MAPK6: variants seen among roughly 807,000 people sequenced by gnomAD.
MAPK6 encodes mitogen-activated protein kinase 6.
Under a neutral mutation model 59.3 loss-of-function variants are expected in MAPK6, and 19 were observed. The observed-to-expected ratio is 0.32, with a 90% confidence interval of 0.22 to 0.47. The LOEUF (loss-of-function observed/expected upper bound fraction) is 0.47, where lower values mean the gene tolerates loss of function less well. MAPK6 is among the 20% of genes least tolerant of loss of function. The pLI, the probability that MAPK6 is intolerant of heterozygous loss-of-function variation, is 1.00. For missense variants in MAPK6, 724 were observed against 847.9 expected (o/e 0.85, Z 1.81); for synonymous variants, 316 against 290.3 (o/e 1.09, Z -0.90).
At chr15:51,982,282 G>A (rs964240677) in intron 1 of MAPK6, among the ~76,000 whole-genome samples, 4 of 152,198 alleles carry the variant, frequency 2.6e-5, no homozygotes, top group African/African-American at 9.7e-5. Context: ...TCGTCGGCGG[G>A]TGGGGACTGC....
chr15:52,016,852 T>C (rs1355690976), upstream of MAPK6, among the ~76,000 whole-genome samples: 1 of 152,136 alleles, frequency 6.6e-6, no homozygotes, highest in Non-Finnish European at 1.5e-5. Context: ...GAGACCATCC[T>C]GGTCAACATG....
intron 4 of MAPK6, 77 bp downstream of exon 4, chr15:52,058,874 T>C: frequency 7.8e-7 from 1 of 1,281,862 alleles, no homozygotes. Flanking sequence ...CTGGAGCTTT[T>C]TATCCTTAGA....
At chr15:51,992,815 C>T (rs370421939) in intron 2 of MAPK6, among the ~76,000 whole-genome samples, 2 of 152,116 alleles carry the variant, frequency 1.3e-5, no homozygotes, top group Admixed American at 6.6e-5. Context: ...GATGAACAGT[C>T]GGATGGAGGA....
chr15:52,054,749 C>CATATACACATACAT (rs1555399923), intron 3 of MAPK6, among the ~76,000 whole-genome samples: 3,411 of 149,988 alleles, frequency 0.023, 86 homozygotes, highest in East Asian at 0.074. Context: ...CACACACACA[C>CATATACACATACAT]ATATACACAT....
rs2032376481 is a variant in MAPK6 at position 52,065,376 on chromosome 15, CATTTTTCATTCATGAATATTTTCAA to C, written c.*377_*401del. On this transcript the variant is annotated 3_prime_UTR_variant, in exon 6 of 6. Transcript: ENST00000261845. ...GAAAATAGCTATTTTTTTCCTAAGA[CATTTTTCATTCATGAATATTTTCAA>C]GTTTTTCATACTGTACACATTTCTT... is the stretch of plus-strand genomic sequence containing the variant. The C allele has an allele frequency of 6.3e-6, 1 of 159,124 alleles. No homozygotes were observed. Among genetic ancestry groups the C allele is most frequent in the Non-Finnish European group, 1.4e-5 (1 of 72,694 alleles). The allele number at this position is 159,124 out of a possible 1,614,324, so 9.9% of individuals were successfully genotyped here. A position where few individuals can be genotyped will look rare whatever the true frequency, so the allele number is the denominator to read the frequency against.
intron 3 of MAPK6, 97 bp downstream of exon 3, chr15:52,050,234 A>G (rs2031732847): frequency 9.3e-7 from 1 of 1,070,552 alleles, no homozygotes; most frequent in Admixed American, 2.8e-5. Flanking sequence ...ATAATTTGTT[A>G]TGATCTGTAA....
In MAPK6 at chr15:52,062,640, T is replaced by C. The variant is rs940545643; in HGVS notation, c.1067+1140T>C. ...ATAAGCCAGGCTTGATGGCGGGCTC[T>C]TGTAGTCCCAGCTACTCAGGAGGCT... is the stretch of plus-strand genomic sequence containing the variant. On this transcript the variant is annotated intron_variant, in intron 5 of 5. Transcript: ENST00000261845. 6.6e-5 allele frequency among the ~76,000 whole-genome samples: 10 copies of C among 152,126 alleles called. No homozygotes were observed. In the East Asian group the frequency reaches 7.8e-4, roughly 12 times the overall value.
At chr15:52,055,010 C>T (rs905124943) in intron 3 of MAPK6, among the ~76,000 whole-genome samples, 2 of 152,216 alleles carry the variant, frequency 1.3e-5, no homozygotes. Flanking sequence ...AAATTCCTGA[C>T]CTCAGGTGAT....
At chr15:52,028,152 C>T (rs1250719347) in intron 1 of MAPK6, among the ~76,000 whole-genome samples, 6 of 151,876 alleles carry the variant, frequency 4.0e-5, no homozygotes, top group Non-Finnish European at 7.4e-5. Context: ...CAGGGTTTCA[C>T]CGTGTTAGCC....
At chr15:52,009,317 G>A (rs2029989793) in intron 3 of MAPK6, among the ~76,000 whole-genome samples, 1 of 152,206 alleles carries the variant, frequency 6.6e-6, no homozygotes, top group Admixed American at 6.5e-5. Flanking sequence ...AGAAGGCTTT[G>A]TGGTCTCAAG....
At position 52,064,818 on chromosome 15, in the gene MAPK6, C is replaced by G. The variant is rs1178534312; in HGVS notation, c.1984C>G (p.Leu662Val). The change falls in exon 6 of 6, where the codon CTG becomes GTG. Residue 662 changes from leucine to valine, a missense_variant. Physicochemically the swap from Leu to Val is conservative, Grantham distance 32. Transcript: ENST00000261845. ...LGERGHEEGF[L>V]NNSGEFLFNK... ...GGAGAGAGGACATGAGGAAGGATTT[C>G]TGAACAACAGTGGGGAGTTCCTCTT... 16 of 1,611,826 alleles carry G rather than the reference C, an allele frequency of 9.9e-6. No homozygotes were observed. The African/African-American group carries it at 1.1e-4, about 11-fold the overall frequency.
chr15:52,030,610 G>GTTT (rs2030989602), intron 1 of MAPK6, among the ~76,000 whole-genome samples: 1 of 111,618 alleles, frequency 9.0e-6, no homozygotes, highest in African/African-American at 3.8e-5. Flanking sequence ...GCAGAAGAAG[G>GTTT]CTTTTTTTTT....
intron 1 of MAPK6, among the ~76,000 whole-genome samples, chr15:51,974,909 G>T (rs530766560): frequency 6.6e-6 from 1 of 151,000 alleles, no homozygotes; most frequent in East Asian, 2.0e-4. Flanking sequence ...GTAAAGACAG[G>T]GTTTCACCAT....
At chr15:52,049,703 C>T (rs1314841957) in intron 2 of MAPK6, among the ~76,000 whole-genome samples, 6 of 151,686 alleles carry the variant, frequency 4.0e-5, no homozygotes, top group African/African-American at 1.5e-4. Context: ...CAACCTCTAC[C>T]TCCCGGGTTC....
rs554609196 is a variant in MAPK6 at position 51,974,725 on chromosome 15, T to TC, written c.-880+2827dup. ...TCCTAGGAATGGAGAATTTCTTTTT[T>TC]CCCCCCCCGCAAGACAGAGTCTTGC... On this transcript the variant is annotated intron_variant, in intron 1 of 7. Coordinates refer to the MAPK6 transcript ENST00000691380. Among the ~76,000 whole-genome samples, 1,332 of 144,062 alleles carry TC rather than the reference T, an allele frequency of 9.2e-3. 23 individuals carry two copies. The highest frequency in any genetic ancestry group is 0.026 in the African/African-American group (1,013 of 39,060). 94.5% of individuals were successfully genotyped at this position (144,062 alleles called of 152,430 possible). A position where few individuals can be genotyped will look rare whatever the true frequency, so the allele number is the denominator to read the frequency against.
Position 52,066,163 on chromosome 15 carries a change from T to G in MAPK6, c.*1163T>G, listed in dbSNP as rs2032416841. The G allele has an allele frequency of 6.6e-6, 1 of 152,588 alleles. No homozygotes were observed. Among genetic ancestry groups the G allele is most frequent in the Non-Finnish European group, 1.5e-5 (1 of 68,032 alleles). The allele number at this position is 152,588 out of a possible 1,614,324, so 9.5% of individuals were successfully genotyped here. On this transcript the variant is annotated 3_prime_UTR_variant, in exon 6 of 6. Coordinates refer to ENST00000261845, the MANE Select transcript of MAPK6 (RefSeq NM_002748.4). The stretch of plus-strand genomic sequence containing the variant: ...AAACGTAGCATGTGGCATCGCAGTC[T>G]CTTAGAATTTGTTTCATCTATTTTA...
At chr15:52,016,064 GCGCGCGCACACA>G (rs1193404236), upstream of MAPK6, among the ~76,000 whole-genome samples, 2 of 54,954 alleles carry the variant, frequency 3.6e-5, no homozygotes, top group African/African-American at 1.3e-4. Context: ...GCGCGCGCGC[GCGCGCGCACACA>G]CACACACACA....
intron 3 of MAPK6, among the ~76,000 whole-genome samples, chr15:52,012,390 G>A (rs966643929): frequency 3.3e-5 from 5 of 152,300 alleles, no homozygotes; most frequent in East Asian, 1.9e-4. Context: ...CCCCTGGGAC[G>A]TGGACACTGT....
intron 1 of MAPK6, among the ~76,000 whole-genome samples, chr15:52,029,329 TA>T (rs2030937369): frequency 1.3e-5 from 2 of 152,202 alleles, no homozygotes; most frequent in Admixed American, 1.3e-4. Context: ...TTTTAATTAT[TA>T]AACAGGCTTC....
Sources: allele counts gnomAD v4.1 joint callset (sites outside exome capture counted in the v4.1 genomes callset), GRCh38; gene constraint gnomAD v4.1.1; transcripts MANE v1.5; gene names NCBI Gene and HGNC (gene_info 2026-07-23, HGNC 2026-07-21).